The following SLC8A1 variants were observed in gnomAD, a reference collection of about 807,000 sequenced individuals.
The protein encoded by SLC8A1 is sodium/calcium exchanger 1.
Under a neutral mutation model 68.3 loss-of-function variants are expected in SLC8A1, and 18 were observed. The ratio of observed to expected loss-of-function variants is 0.26; its 90% CI spans 0.18 to 0.39. The LOEUF is 0.39. SLC8A1 is among the 10% of genes least tolerant of loss of function. The pLI is 1.00. For synonymous variants in SLC8A1, 475 were observed against 415.5 expected, an observed-to-expected ratio of 1.14 and a Z score of -1.74; for missense variants, 985 against 1,156.7, an observed-to-expected ratio of 0.85 and a Z score of 2.15.
chr2:40,486,818 A>G (rs538651329), intron 1 of SLC8A1, among the ~76,000 whole-genome samples: 1 of 150,178 alleles, frequency 6.7e-6, no homozygotes, highest in African/African-American at 2.4e-5. Flanking sequence ...GGTGTGCTGC[A>G]CCTGTTAACT....
At chr2:40,158,040 C>G (rs1468256901) in intron 6 of SLC8A1, among the ~76,000 whole-genome samples, 1 of 152,190 alleles carries the variant, frequency 6.6e-6, no homozygotes, top group East Asian at 1.9e-4. Context: ...AAAGCAAATC[C>G]CTATTTACAA....
At chr2:40,276,464 T>A (rs971754972) in intron 2 of SLC8A1, among the ~76,000 whole-genome samples, 2 of 152,230 alleles carry the variant, frequency 1.3e-5, no homozygotes, top group Admixed American at 6.5e-5. Flanking sequence ...TTTCAGAGAA[T>A]GTCTATTCCT....
chr2:40,445,715 G>C (rs978525524), intron 1 of SLC8A1, among the ~76,000 whole-genome samples: 11 of 152,212 alleles, frequency 7.2e-5, no homozygotes, highest in African/African-American at 2.2e-4. Context: ...TCCAGGGGAA[G>C]AAAGGCAGAC....
chr2:40,209,420 G>A (rs1412766814), intron 2 of SLC8A1, among the ~76,000 whole-genome samples: 1 of 152,246 alleles, frequency 6.6e-6, no homozygotes, highest in East Asian at 1.9e-4. Context: ...AAAGGTGAGA[G>A]TTAAGAGTAG....
intron 2 of SLC8A1, among the ~76,000 whole-genome samples, chr2:40,215,453 A>C (rs904464844): frequency 1.3e-5 from 2 of 151,770 alleles, no homozygotes; most frequent in East Asian, 3.9e-4. Flanking sequence ...CTGGCTAACA[A>C]GGTGAAACCC....
chr2:40,291,848 G>A (rs940873149), intron 2 of SLC8A1, among the ~76,000 whole-genome samples: 1 of 151,306 alleles, frequency 6.6e-6, no homozygotes, highest in African/African-American at 2.4e-5. Flanking sequence ...ATTTCACTGC[G>A]AGGTTGAAGT....
rs534119900 is a variant in SLC8A1, at chr2:40,227,681, G to A, written c.1809-49826C>T. On this transcript the variant is annotated intron_variant, in intron 2 of 7. Coordinates refer to ENST00000406785, the Ensembl canonical transcript of SLC8A1. The stretch of plus-strand genomic sequence containing the variant: ...ACAAGTTTATCTATGTAACAAACCT[G>A]CATTTGTACCCCTAAACTTAAAAGT... Among the ~76,000 whole-genome samples the A allele has an allele frequency of 3.3e-5, 5 of 152,004 alleles. No individual in the cohort carries two copies. In the South Asian group the frequency reaches 1.0e-3, roughly 32 times the overall value.
chr2:40,181,771 T>G (rs1161692337), intron 2 of SLC8A1, among the ~76,000 whole-genome samples: 1 of 152,202 alleles, frequency 6.6e-6, no homozygotes, highest in Non-Finnish European at 1.5e-5. Flanking sequence ...ATTTCTCCCC[T>G]TAGCAAAGGT....
intron 4 of SLC8A1, among the ~76,000 whole-genome samples, chr2:40,165,583 C>T (rs138165327): frequency 1.5e-3 from 223 of 152,296 alleles, no homozygotes; most frequent in Non-Finnish European, 2.2e-3. Flanking sequence ...TCCAGTGCTG[C>T]TTCAGTCTGG....
chr2:40,205,045 T>C (rs1050228388), intron 2 of SLC8A1, among the ~76,000 whole-genome samples: 13 of 152,124 alleles, frequency 8.5e-5, no homozygotes, highest in Admixed American at 2.6e-4. Flanking sequence ...GCTGGGCATA[T>C]AGTCATTTTA....
chr2:40,174,874 T>C (rs1367120285), intron 3 of SLC8A1, 32 bp from the exon 5 acceptor site: 3 of 1,597,102 alleles, frequency 1.9e-6, no homozygotes, highest in Admixed American at 1.7e-5. Context: ...ACAAATGTTA[T>C]AATTTGACAC....
intron 1 of SLC8A1, among the ~76,000 whole-genome samples, chr2:40,445,689 G>C (rs916061486): frequency 6.6e-6 from 1 of 152,204 alleles, no homozygotes; most frequent in Non-Finnish European, 1.5e-5. Context: ...AAGAACTTCT[G>C]ACAGCTAGCT....
intron 7 of SLC8A1, among the ~76,000 whole-genome samples, chr2:40,125,348 A>T (rs961389026): frequency 5.3e-5 from 8 of 152,166 alleles, no homozygotes; most frequent in African/African-American, 1.9e-4. Flanking sequence ...CTGGCCTGGG[A>T]TCCAGTGTCC....
At chr2:40,441,823 A>C (rs1212900394) in intron 1 of SLC8A1, among the ~76,000 whole-genome samples, 1 of 152,042 alleles carries the variant, frequency 6.6e-6, no homozygotes, top group Non-Finnish European at 1.5e-5. Context: ...CCTAGAAGAA[A>C]ACCTAGGCAA....
intron 2 of SLC8A1, among the ~76,000 whole-genome samples, chr2:40,417,722 C>G (rs1694295350): frequency 6.6e-6 from 1 of 152,128 alleles, no homozygotes. Context: ...GGCCTTTAGT[C>G]TTTATGTTAC....
intron 7 of SLC8A1, chr2:40,116,820 T>C (rs1030461159): frequency 1.2e-4 from 19 of 152,328 alleles, no homozygotes; most frequent in African/African-American, 4.3e-4. Flanking sequence ...TTTGTGATGA[T>C]AGGAAAATCT....
chr2:40,316,379 A>C (rs533248811), intron 2 of SLC8A1, among the ~76,000 whole-genome samples: 2 of 152,012 alleles, frequency 1.3e-5, no homozygotes, highest in Admixed American at 6.6e-5. Flanking sequence ...AAAAGACCTA[A>C]ATACACTCAA....
At chr2:40,227,389 G>C (rs2059117130) in intron 2 of SLC8A1, among the ~76,000 whole-genome samples, 2 of 151,952 alleles carry the variant, frequency 1.3e-5, no homozygotes, top group African/African-American at 4.8e-5. Flanking sequence ...CCTAGTCATA[G>C]CATATGCAAA....
At chr2:40,145,165 A>G (rs959515618) in intron 6 of SLC8A1, among the ~76,000 whole-genome samples, 35 of 149,496 alleles carry the variant, frequency 2.3e-4, no homozygotes, top group African/African-American at 8.8e-4. Context: ...TTTTCCACAT[A>G]TAAGTGAGAC....
Sources: gnomAD v4.1 joint callset for allele counts (sites outside exome capture counted in the v4.1 genomes callset) on GRCh38, gnomAD v4.1.1 for gene constraint, MANE v1.5 for transcripts, NCBI Gene and HGNC (gene_info 2026-07-23, HGNC 2026-07-21) for gene names.